LMF2: variants seen among roughly 807,000 people sequenced by gnomAD.
LMF2 encodes lipase maturation factor 2, also known as transmembrane protein 112B.
In LMF2, 113 loss-of-function variants were observed where a neutral mutation model predicts 81.5. That is an observed-to-expected ratio of 1.39 (90% CI 1.19 to 1.62). LMF2 has a LOEUF of 1.62. Ranked by LOEUF, LMF2 falls within the 40% of genes most tolerant of loss-of-function variation. The pLI, the probability that LMF2 is intolerant of heterozygous loss-of-function variation, is 0.00. For missense variants in LMF2, 1,235 were observed against 929.1 expected, an observed-to-expected ratio of 1.33 and a Z score of -4.28; for synonymous variants, 645 against 424.5, an observed-to-expected ratio of 1.52 and a Z score of -6.39.
Position 50,505,054 on chromosome 22 carries a change from C to T in LMF2, c.1254+3G>A, listed in dbSNP as rs546044569. 1.9e-6 allele frequency: 3 copies of T among 1,612,956 alleles called. No individual in the cohort carries two copies. The highest frequency in any genetic ancestry group is 1.7e-5 in the Admixed American group (1 of 60,032). On this transcript the variant is annotated splice_donor_region_variant and intron_variant, in intron 9 of 13. Transcript: ENST00000474879. ...CATCCCCCAGCCCTGCAGCGCTACCCACCAGGCTAATCAGGAACAAGGCCA... is the reference window on the plus strand; with the variant it reads ...CATCCCCCAGCCCTGCAGCGCTACCTACCAGGCTAATCAGGAACAAGGCCA...
rs544565753 is a variant in LMF2, at chr22:50,503,091, G to C, written c.*300C>G. 3.3e-5 allele frequency: 13 copies of C among 394,346 alleles called. No individual in the cohort carries two copies. In the Admixed American group the frequency reaches 6.2e-4, roughly 19 times the overall value. The allele number at this position is 394,346 out of a possible 1,614,324, so 24.4% of individuals were successfully genotyped here. ...CCCTCTGGCACGGGGCCTAGGGTTG[G>C]GGGCTCTAGACTCAGACCCCCACAG... On this transcript the variant is annotated 3_prime_UTR_variant, in exon 14 of 14. Transcript: ENST00000474879.
chr22:50,506,003 G>A, intron 5 of LMF2, 32 bp downstream of exon 5: 3 of 1,568,618 alleles, frequency 1.9e-6, no homozygotes, highest in Non-Finnish European at 2.6e-6. Context: ...AGCCCTGTCT[G>A]CCTCTCTCTG....
At position 50,504,429 on chromosome 22, in the gene LMF2, T is replaced by C. The variant is rs1396364223; in HGVS notation, c.1629A>G (p.Gln543=). ...GCTTGTGGAAGGGATACCTGGCCAC[T>C]TGGCTCTGGACAAGGCGGATCACTG... ...KEPVIRLVQS[Q]VARYPFHKQP... The change falls in exon 12 of 14, where the codon CAA becomes CAG. Residue 543 remains glutamine (Q), a synonymous_variant. Coordinates refer to ENST00000474879, the MANE Select transcript of LMF2 (RefSeq NM_033200.3). The C allele has an allele frequency of 6.2e-7, 1 of 1,612,090 alleles. No individual in the cohort carries two copies. Among genetic ancestry groups the C allele is most frequent in the Admixed American group, 1.7e-5 (1 of 59,974 alleles).
In LMF2 at chr22:50,505,478, GC is replaced by G; in HGVS notation, c.975del (p.Leu326PhefsTer36). ...TAGTGCACAGTGCCATAGGCCAGAAGCCCGTAGACGGCTAGTTCCAGCAGCA... is the reference window on the plus strand; with the variant it reads ...TAGTGCACAGTGCCATAGGCCAGAAGCCGTAGACGGCTAGTTCCAGCAGCA... ...LSLLLELAVY[G>X]LLAYGTVHYF... On this transcript the variant is annotated frameshift_variant, in exon 7 of 14. Coordinates refer to ENST00000474879, the MANE Select transcript of LMF2 (RefSeq NM_033200.3). LOFTEE classifies it high-confidence loss of function. 1 of 1,612,916 alleles carries G rather than the reference GC, an allele frequency of 6.2e-7. No homozygotes were observed. The highest frequency in any genetic ancestry group is 1.3e-5 in the African/African-American group (1 of 75,074).
rs960166484 is a variant in LMF2, at chr22:50,504,471, C to T, written c.1607-20G>A. 9 of 1,605,006 alleles carry T rather than the reference C, an allele frequency of 5.6e-6. No homozygotes were observed. In the African/African-American group the frequency reaches 8.0e-5, roughly 14 times the overall value. On this transcript the variant is annotated intron_variant, in intron 11 of 13. Transcript: ENST00000474879. ...GGATCACTGCAGCGAGAGGCATCAG[C>T]GTGGCCCCCACAGTACCCGCCCTGC... is the stretch of plus-strand genomic sequence containing the variant.
At position 50,507,579 on chromosome 22, in the gene LMF2, C is replaced by T; in HGVS notation, c.94+3G>A. 6 of 1,557,692 alleles carry T rather than the reference C, an allele frequency of 3.9e-6. No homozygotes were observed. The highest frequency in any genetic ancestry group is 4.3e-6 in the Non-Finnish European group (5 of 1,150,434). On this transcript the variant is annotated splice_donor_region_variant and intron_variant, in intron 1 of 13. Transcript: ENST00000474879. ...GGGGGTGTCCCACCCTGGGTGCCTTCACCTGGGATTTGCGTGTAGAGGGAA... is the reference window on the plus strand; with the variant it reads ...GGGGGTGTCCCACCCTGGGTGCCTTTACCTGGGATTTGCGTGTAGAGGGAA...
chr22:50,504,817 G>A lies in LMF2; in HGVS notation c.1422C>T (p.Asp474=), dbSNP rs748266409. Residue 474 remains aspartate, a synonymous_variant, in exon 10 of 14, where the codon GAC becomes GAT. Coordinates refer to ENST00000474879, the MANE Select transcript of LMF2 (RefSeq NM_033200.3). The part of the protein sequence containing the change: ...RPEVVLEGSY[D]GHHWTEIEFM... ...GAGGGCTCACCGTCCAGTGGTGGCC[G>A]TCGTAACTGCCCTCCAGCACCACCT... 1.6e-5 allele frequency: 26 copies of A among 1,606,120 alleles called. No homozygotes were observed. The highest frequency in any genetic ancestry group is 3.3e-5 in the South Asian group (3 of 90,876).
At position 50,506,725 on chromosome 22, in the gene LMF2, G is replaced by A. The variant is rs777076099; in HGVS notation, c.348+57C>T. On this transcript the variant is annotated intron_variant, in intron 2 of 13. Transcript: ENST00000474879. ...GTCTGTGGACTCAGGTAAGGTAGAG[G>A]CAGGGGTGGGTGGTGGGGGTTGGAG... is the stretch of plus-strand genomic sequence containing the variant. The A allele has an allele frequency of 4.3e-6, 7 of 1,612,700 alleles. No individual in the cohort carries two copies. The African/African-American group carries it at 5.3e-5, about 12-fold the overall frequency.
chr22:50,507,475 C>A, intron 1 of LMF2, 107 bp downstream of exon 1: 1 of 889,086 alleles, frequency 1.1e-6, no homozygotes, highest in Admixed American at 2.0e-5. Context: ...CACGCCAAGG[C>A]CTGGCCCTCA....
intron 1 of LMF2, 89 bp downstream of exon 1, chr22:50,507,493 C>G (rs900207830): frequency 2.8e-6 from 3 of 1,072,222 alleles, no homozygotes; most frequent in African/African-American, 1.6e-5. Flanking sequence ...TCACTCCCAA[C>G]CCCGGACTGC....
chr22:50,506,141 C>A lies in LMF2; in HGVS notation c.668G>T (p.Trp223Leu). The A allele has an allele frequency of 6.4e-7, 1 of 1,573,628 alleles. No homozygotes were observed. The highest frequency in any genetic ancestry group is 8.6e-7 in the Non-Finnish European group (1 of 1,159,478). ...AAWFAHHLPV[W>L]LHKLSVVATF... Reference sequence around the variant, plus strand: ...GGCCACCACGCTGAGCTTGTGCAGCCAGACCGGCAGGTGGTGTGCGAACCA... The same window carrying A: ...GGCCACCACGCTGAGCTTGTGCAGCAAGACCGGCAGGTGGTGTGCGAACCA... Residue 223 changes from tryptophan to leucine, a missense_variant, in exon 5 of 14, where the codon TGG (tryptophan) becomes TTG (leucine). By Grantham distance (61) the Trp-to-Leu change is moderately conservative (BLOSUM62 -2). Transcript: ENST00000474879.
At chr22:50,503,957 C>T in intron 12 of LMF2, 53 bp from the exon 13 acceptor site, 1 of 1,514,010 alleles carries the variant, frequency 6.6e-7, no homozygotes. Context: ...CTCCATACCC[C>T]ATCGCCAGTG....
rs149528971 is a variant in LMF2, at chr22:50,506,038, C to T, written c.771G>A (p.Ser257=). The part of the protein sequence containing the change: ...IRRLRLAAFY[S]QVLLQVLIII... ...GACAGCTGCGGCCCTCACCCACCTG[C>T]GAGTAGAAAGCAGCCAAGCGCAGGC... Residue 257 remains serine, a synonymous_variant, in exon 5 of 14, where the codon TCG becomes TCA. Coordinates refer to ENST00000474879, the MANE Select transcript of LMF2 (RefSeq NM_033200.3). 5.0e-4 allele frequency: 791 copies of T among 1,582,464 alleles called. 5 individuals carry two copies. Among genetic ancestry groups the T allele is most frequent in the South Asian group, 3.2e-3 (284 of 87,530 alleles).
intron 5 of LMF2, 92 bp downstream of exon 5, chr22:50,505,943 C>T (rs1486344460): frequency 6.0e-5 from 93 of 1,560,028 alleles, no homozygotes; most frequent in Non-Finnish European, 7.3e-5. Context: ...CAGCTGTCCC[C>T]GGGAGCCACG....
Position 50,504,542 on chromosome 22 carries a change from C to A in LMF2, c.1606+17G>T. On this transcript the variant is annotated intron_variant, in intron 11 of 13. Coordinates refer to ENST00000474879, the MANE Select transcript of LMF2 (RefSeq NM_033200.3). ...TCCACCCCAGCCCACTCCACACCCC[C>A]CAAGCCCGCTCCGCACCTGGCTCCT... 6.4e-7 allele frequency: 1 copy of A among 1,556,864 alleles called. No individual in the cohort carries two copies. The highest frequency in any genetic ancestry group is 8.7e-7 in the Non-Finnish European group (1 of 1,154,874).
chr22:50,507,249 A>G lies in LMF2; in HGVS notation c.95-214T>C, dbSNP rs574590699. On this transcript the variant is annotated intron_variant, in intron 1 of 13. Coordinates refer to ENST00000474879, the MANE Select transcript of LMF2 (RefSeq NM_033200.3). ...AGAGGCCTGCTCAACTACCTGAGTC[A>G]GGGCCTCCCACCCAGCAGAGCCCAC... 5.3e-4 allele frequency: 390 copies of G among 729,252 alleles called. 2 individuals carry two copies. The African/African-American group carries it at 6.5e-3, about 12-fold the overall frequency. The allele number at this position is 729,252 out of a possible 1,614,324, so 45.2% of individuals were successfully genotyped here.
chr22:50,507,262 C>T (rs748498642), intron 1 of LMF2: 1 of 670,790 alleles, frequency 1.5e-6, no homozygotes, highest in Non-Finnish European at 2.5e-6. Context: ...GCCTCCCACC[C>T]AGCAGAGCCC....
intron 1 of LMF2, among the ~76,000 whole-genome samples, 173 bp downstream of exon 1, chr22:50,507,409 G>A (rs2148650345): frequency 6.6e-6 from 1 of 152,220 alleles, no homozygotes; most frequent in Non-Finnish European, 1.5e-5. Flanking sequence ...ATGGATCACC[G>A]CACACCTTCC....
In LMF2 at chr22:50,504,927, G is replaced by A. The variant is rs200413792; in HGVS notation, c.1312C>T (p.Arg438Cys). 1.5e-4 allele frequency: 246 copies of A among 1,607,436 alleles called. No homozygotes were observed. The African/African-American group carries it at 1.8e-3, about 12-fold the overall frequency. Residue 438 changes from arginine to cysteine, a missense_variant, in exon 10 of 14, where the codon CGC (arginine) becomes TGC (cysteine). Physicochemically the swap from Arg to Cys is radical, Grantham distance 180 (BLOSUM62 -3). Transcript: ENST00000474879. Reference protein sequence around the residue: ...THGRLWTGAHRLFGAVEHLQL... With the variant: ...THGRLWTGAHCLFGAVEHLQL... Reference sequence around the variant, plus strand: ...AGGTGCTCCACGGCACCAAACAGGCGGTGGGCCCCGGTCCAGAGGCGCCCG... The same window carrying A: ...AGGTGCTCCACGGCACCAAACAGGCAGTGGGCCCCGGTCCAGAGGCGCCCG...
Sources: allele counts gnomAD v4.1 joint callset (sites outside exome capture counted in the v4.1 genomes callset), GRCh38; gene constraint gnomAD v4.1.1; transcripts MANE v1.5; gene names NCBI Gene and HGNC (gene_info 2026-07-23, HGNC 2026-07-21).